EBF3: variants seen among roughly 807,000 people sequenced by gnomAD.
EBF3 encodes the protein transcription factor COE3.
In EBF3, 18 loss-of-function variants were observed where a neutral mutation model predicts 77.1. The ratio of observed to expected loss-of-function variants is 0.23; its 90% CI spans 0.16 to 0.35. The LOEUF is 0.35. EBF3 is among the 10% of genes least tolerant of loss of function. The probability of loss-of-function intolerance (pLI) is 1.00; values close to 1 mark genes in which losing one functional copy is unlikely to be tolerated. For missense variants in EBF3, 558 were observed against 860.0 expected, an observed-to-expected ratio of 0.65 and a Z score of 4.39; for synonymous variants, 350 against 343.5, an observed-to-expected ratio of 1.02 and a Z score of -0.21.
In EBF3 at chr10:129,841,070, T is replaced by C. The variant is rs1480550299; in HGVS notation, c.1373-38A>G. 25 of 1,603,586 alleles carry C rather than the reference T, an allele frequency of 1.6e-5. No individual in the cohort carries two copies. Among genetic ancestry groups the C allele is most frequent in the Non-Finnish European group, 1.9e-5 (22 of 1,175,220 alleles). ...CCCCCCCGGCCAAAAATAACATTATTATCAGCGACAGACACTTGGGGGGGG... is the reference window on the plus strand; with the variant it reads ...CCCCCCCGGCCAAAAATAACATTATCATCAGCGACAGACACTTGGGGGGGG... On this transcript the variant is annotated intron_variant, in intron 13 of 16. Transcript: ENST00000440978. The surrounding 1 kb of genome is among the most constrained non-coding windows in gnomAD (Gnocchi z 4.6).
rs1183601374 is a variant in EBF3 at position 129,840,245 on chromosome 10, C to T, written c.1759G>A (p.Gly587Ser). ...CTSANGNGLQ[G>S]SLLGAEDVAA... ...GCCCACGGCCCCGCACCACCCTCAC[C>T]TTGCAGTCCATTCCCGTTGGCGCTG... Residue 587 changes from glycine (G) to serine (S), a missense_variant and splice_region_variant, in exon 15 of 17, where the codon GGC (glycine) becomes AGC (serine). Coordinates refer to ENST00000440978, the MANE Select transcript of EBF3 (RefSeq NM_001375380.1). 1.3e-6 allele frequency: 2 copies of T among 1,567,826 alleles called. No individual in the cohort carries two copies. Among genetic ancestry groups the T allele is most frequent in the African/African-American group, 1.3e-5 (1 of 74,100 alleles).
chr10:129,917,298 C>A (rs1420490952), intron 6 of EBF3, among the ~76,000 whole-genome samples: 1 of 152,096 alleles, frequency 6.6e-6, no homozygotes, highest in Non-Finnish European at 1.5e-5. Flanking sequence ...GAACCTGGGA[C>A]ATCGCAGTTG....
chr10:129,959,562 C>T (rs1013503017), intron 4 of EBF3, among the ~76,000 whole-genome samples: 2 of 152,022 alleles, frequency 1.3e-5, no homozygotes, highest in African/African-American at 4.8e-5. Flanking sequence ...CTGCGCGCTC[C>T]CCCGGCTCTA....
At chr10:129,846,399 C>G (rs985422411) in intron 11 of EBF3, among the ~76,000 whole-genome samples, 23 of 151,972 alleles carry the variant, frequency 1.5e-4, no homozygotes, top group Admixed American at 1.4e-3. Flanking sequence ...ATATTATCAA[C>G]TGCGGGGTGA....
chr10:129,838,048 C>A, intron 16 of EBF3, 88 bp from the exon 17 acceptor site: 11 of 1,520,876 alleles, frequency 7.2e-6, no homozygotes, highest in African/African-American at 1.4e-5. Context: ...GCCCTTCCCC[C>A]CTATTCAACT....
intron 5 of EBF3, among the ~76,000 whole-genome samples, 173 bp from the exon 6 acceptor site, chr10:129,957,499 G>T (rs1044956132): frequency 5.3e-5 from 8 of 151,686 alleles, no homozygotes; most frequent in Admixed American, 4.6e-4. Context: ...AACTTACGAT[G>T]TAACTTTCTA....
chr10:129,918,082 G>A (rs962854923), intron 6 of EBF3, among the ~76,000 whole-genome samples: 3 of 152,316 alleles, frequency 2.0e-5, no homozygotes, highest in Middle Eastern at 3.4e-3. Context: ...CACACAGTTA[G>A]GAAGGGGCCC....
At chr10:129,921,592 T>TGCA (rs1261617881) in intron 6 of EBF3, among the ~76,000 whole-genome samples, 6 of 152,324 alleles carry the variant, frequency 3.9e-5, no homozygotes, top group African/African-American at 1.2e-4. Context: ...TCTGTGTCCA[T>TGCA]GCCACCTTTG....
chr10:129,838,135 G>A (rs981982961), intron 16 of EBF3, among the ~76,000 whole-genome samples, 175 bp from the exon 17 acceptor site: 18 of 152,258 alleles, frequency 1.2e-4, no homozygotes, highest in African/African-American at 4.3e-4. Context: ...GCTTCCTGAG[G>A]TGGGGGCACA....
chr10:129,882,268 T>C (rs1309089548), intron 6 of EBF3, among the ~76,000 whole-genome samples: 1 of 152,268 alleles, frequency 6.6e-6, no homozygotes, highest in African/African-American at 2.4e-5. Context: ...TACATGGGTA[T>C]TGTGTAAATT....
At position 129,899,878 on chromosome 10, in the gene EBF3, T is replaced by G. The variant is rs74436648; in HGVS notation, c.555-22029A>C. Among the ~76,000 whole-genome samples, 1,283 of 152,304 alleles carry G rather than the reference T, an allele frequency of 8.4e-3. 15 individuals carry two copies. The highest frequency in any genetic ancestry group is 0.03 in the African/African-American group (1,235 of 41,554). On this transcript the variant is annotated intron_variant, in intron 6 of 16. Transcript: ENST00000440978. ...AGTTAAATTAATTTTCTCTCCAAGA[T>G]AGTGGAATAAGGTCCACAAAGGCAA...
chr10:129,878,121 C>A (rs1281502623), intron 6 of EBF3, among the ~76,000 whole-genome samples: 1 of 152,164 alleles, frequency 6.6e-6, no homozygotes, highest in Non-Finnish European at 1.5e-5. Flanking sequence ...ATTGGCATTT[C>A]TTGGCTCAAT....
chr10:129,872,752 G>T (rs959096909), intron 8 of EBF3, among the ~76,000 whole-genome samples: 1 of 152,202 alleles, frequency 6.6e-6, no homozygotes, highest in East Asian at 1.9e-4. Context: ...GTTCAATTGT[G>T]GGTGCTGTGC....
At chr10:129,899,191 G>A (rs763431928) in intron 6 of EBF3, among the ~76,000 whole-genome samples, 2 of 152,230 alleles carry the variant, frequency 1.3e-5, no homozygotes, top group South Asian at 2.1e-4. Context: ...TTCTGATAGC[G>A]AATGTCCTCC....
At chr10:129,884,863 C>T (rs934686861) in intron 6 of EBF3, among the ~76,000 whole-genome samples, 6 of 152,286 alleles carry the variant, frequency 3.9e-5, no homozygotes, top group Admixed American at 2.0e-4. Flanking sequence ...TAGCCGAGCC[C>T]GTCTCTAGTG....
intron 6 of EBF3, among the ~76,000 whole-genome samples, chr10:129,891,673 G>GCC (rs1484982284): frequency 6.6e-6 from 1 of 152,124 alleles, no homozygotes; most frequent in Non-Finnish European, 1.5e-5. Context: ...AGCAGGCCGC[G>GCC]CCATCCTTTG....
intron 6 of EBF3, among the ~76,000 whole-genome samples, chr10:129,924,453 C>CAAAAAAA (rs908388704): frequency 1.4e-5 from 2 of 140,082 alleles, no homozygotes; most frequent in Non-Finnish European, 3.1e-5. Flanking sequence ...AAACAAAAAA[C>CAAAAAAA]AAAAAACAGA....
At chr10:129,918,988 G>A (rs1352097336) in intron 6 of EBF3, among the ~76,000 whole-genome samples, 1 of 152,164 alleles carries the variant, frequency 6.6e-6, no homozygotes, top group African/African-American at 2.4e-5. Context: ...GGCTTACCAA[G>A]GGCAAGGGTA....
At position 129,863,068 on chromosome 10, in the gene EBF3, A is replaced by T. The variant is rs1192511104; in HGVS notation, c.1039+4073T>A. ...CTCATTAATTTAATTTTAGGTGCCC[A>T]CCAGTTTATATTGCATTTTACAGTC... On this transcript the variant is annotated intron_variant, in intron 10 of 16. Coordinates refer to ENST00000440978, the MANE Select transcript of EBF3 (RefSeq NM_001375380.1). The surrounding 1 kb of genome is among the most constrained non-coding windows in gnomAD (Gnocchi z 4.0). Among the ~76,000 whole-genome samples, 2 of 152,216 alleles carry T rather than the reference A, an allele frequency of 1.3e-5. No individual in the cohort carries two copies. Among genetic ancestry groups the T allele is most frequent in the Non-Finnish European group, 2.9e-5 (2 of 68,034 alleles).
Sources: allele counts gnomAD v4.1 joint callset (sites outside exome capture counted in the v4.1 genomes callset), GRCh38; gene constraint gnomAD v4.1.1; non-coding constraint Gnocchi (gnomAD v3.1); transcripts MANE v1.5; gene names NCBI Gene and HGNC (gene_info 2026-07-23, HGNC 2026-07-21).